Variants in HTR2A observed in about 807,000 individuals in gnomAD.
HTR2A encodes 5-HT2 receptor.
In HTR2A, 14 loss-of-function variants were observed where a neutral mutation model predicts 31.0. The observed-to-expected ratio is 0.45, with a 90% CI of 0.30 to 0.71. The LOEUF (loss-of-function observed/expected upper bound fraction) is 0.71, where lower values mean the gene tolerates loss of function less well. Among genes scored for constraint, HTR2A ranks in the 30% least tolerant of loss-of-function variants. The pLI is 0.09. For missense variants in HTR2A, 442 were observed against 573.3 expected (o/e 0.77, Z 2.34); for synonymous variants, 209 against 225.2 (o/e 0.93, Z 0.64).
intron 3 of HTR2A, chr13:46,854,319 A>G (rs1950714378): frequency 6.6e-6 from 1 of 152,260 alleles, no homozygotes; most frequent in African/African-American, 2.4e-5. Context: ...TGGAGTTGAC[A>G]GGAGGATCAG....
At chr13:46,859,709 C>G (rs4942579) in intron 3 of HTR2A, among the ~76,000 whole-genome samples, 27,430 of 152,054 alleles carry the variant, frequency 0.18, 2,500 homozygotes, top group Middle Eastern at 0.28. Flanking sequence ...CGAGGCCTCC[C>G]CAGAAGCCAC....
At chr13:46,855,492 T>C (rs1950728219) in intron 3 of HTR2A, among the ~76,000 whole-genome samples, 1 of 151,966 alleles carries the variant, frequency 6.6e-6, no homozygotes, top group Non-Finnish European at 1.5e-5. Flanking sequence ...TCAGTGTGGG[T>C]GGATGGGGAA....
Position 46,859,078 on chromosome 13 carries a change from A to G in HTR2A, c.614-23439T>C, listed in dbSNP as rs1432596885. Among the ~76,000 whole-genome samples the G allele has an allele frequency of 2.6e-5, 4 of 152,338 alleles. No individual in the cohort carries two copies. In the East Asian group the frequency reaches 7.7e-4, roughly 29 times the overall value. On this transcript the variant is annotated intron_variant, in intron 3 of 3. Transcript: ENST00000542664. ...GGAAATCAGTTCTGTTTGCAAAACT[A>G]CTTTATCTTTTGAAAGAAACAGATA...
intron 3 of HTR2A, among the ~76,000 whole-genome samples, chr13:46,873,427 TTTATTATTA>T (rs56356002): frequency 0.031 from 4,434 of 144,778 alleles, 223 homozygotes; most frequent in African/African-American, 0.1. Context: ...TAATATAAAA[TTTATTATTA>T]TTATTATTAT....
At chr13:46,875,866 T>G (rs1950905152) in intron 3 of HTR2A, among the ~76,000 whole-genome samples, 1 of 152,216 alleles carries the variant, frequency 6.6e-6, no homozygotes, top group African/African-American at 2.4e-5. Flanking sequence ...GGTGCTAATT[T>G]TGGAACTGTA....
intron 3 of HTR2A, among the ~76,000 whole-genome samples, chr13:46,845,643 C>CAAAAAAAA (rs11394720): frequency 5.3e-5 from 6 of 112,976 alleles, no homozygotes; most frequent in Non-Finnish European, 1.1e-4. Context: ...TTCATCACTC[C>CAAAAAAAA]AAAAAAAAAA....
At position 46,895,986 on chromosome 13, in the gene HTR2A, A is replaced by T; in HGVS notation, c.-80T>A. ...TTCTGCTCACCATTCACCTTGATGT[A>T]CCCACACTCTGTAACACTGAGGCTG... is the stretch of plus-strand genomic sequence containing the variant. On this transcript the variant is annotated 5_prime_UTR_variant, in exon 2 of 4. Transcript: ENST00000542664. The surrounding 1 kb of genome is among the most constrained non-coding windows in gnomAD (Gnocchi z 4.4). The T allele has an allele frequency of 6.6e-6, 10 of 1,520,660 alleles. No individual in the cohort carries two copies. The highest frequency in any genetic ancestry group is 7.9e-6 in the Non-Finnish European group (9 of 1,140,802). 94.2% of individuals were successfully genotyped at this position (1,520,660 alleles called of 1,614,324 possible). A position where few individuals can be genotyped will look rare whatever the true frequency, so the allele number is the denominator to read the frequency against.
At chr13:46,879,000 G>C (rs1397341930) in intron 3 of HTR2A, among the ~76,000 whole-genome samples, 6 of 152,218 alleles carry the variant, frequency 3.9e-5, no homozygotes, top group African/African-American at 1.4e-4. Context: ...AGAACTTGAA[G>C]AAAGGACAAA....
Position 46,834,688 on chromosome 13 carries a change from T to C in HTR2A, c.*149A>G. The C allele has an allele frequency of 1.6e-6, 1 of 615,578 alleles. No homozygotes were observed. Among genetic ancestry groups the C allele is most frequent in the Admixed American group, 3.1e-5 (1 of 32,246 alleles). The allele number at this position is 615,578 out of a possible 1,614,324, so 38.1% of individuals were successfully genotyped here. ...ACATTTTGTAGCATTGAACCCCGCT[T>C]TTCATTGACAGAATAAAATGAGGCA... On this transcript the variant is annotated 3_prime_UTR_variant, in exon 4 of 4. Transcript: ENST00000542664.
intron 3 of HTR2A, among the ~76,000 whole-genome samples, chr13:46,848,822 C>G (rs1179534785): frequency 6.6e-6 from 1 of 152,014 alleles, no homozygotes; most frequent in Non-Finnish European, 1.5e-5. Context: ...GTAGTTCATA[C>G]TTTTTGGGTT....
chr13:46,896,465 A>G (rs6309), intron 1 of HTR2A, among the ~76,000 whole-genome samples: 150,455 of 152,348 alleles, frequency 0.99, 74,314 homozygotes, highest in Middle Eastern at 1. Context: ...GCCATTCTTA[A>G]GCTGAATTGC....
chr13:46,842,680 C>G (rs1950607953), intron 3 of HTR2A, among the ~76,000 whole-genome samples: 1 of 152,188 alleles, frequency 6.6e-6, no homozygotes, highest in Non-Finnish European at 1.5e-5. Flanking sequence ...AATTATTCAA[C>G]TTTCTCAATA....
intron 3 of HTR2A, among the ~76,000 whole-genome samples, chr13:46,861,990 T>C (rs1342302320): frequency 1.3e-5 from 2 of 152,178 alleles, no homozygotes; most frequent in African/African-American, 4.8e-5. Context: ...AAGATAGAAA[T>C]AGATTCTGTC....
At chr13:46,885,882 G>A (rs1332888654) in intron 3 of HTR2A, among the ~76,000 whole-genome samples, 1 of 152,192 alleles carries the variant, frequency 6.6e-6, no homozygotes, top group African/African-American at 2.4e-5. Flanking sequence ...TTATGTTTCT[G>A]TGAATTGCCT....
chr13:46,865,981 C>T (rs1950815646), intron 3 of HTR2A, among the ~76,000 whole-genome samples: 1 of 152,196 alleles, frequency 6.6e-6, no homozygotes, highest in Non-Finnish European at 1.5e-5. Context: ...TTCTCTCCAG[C>T]CATCTCATGA....
chr13:46,841,129 G>A (rs760889126), intron 3 of HTR2A, among the ~76,000 whole-genome samples: 17 of 152,202 alleles, frequency 1.1e-4, no homozygotes, highest in Admixed American at 9.8e-4. Flanking sequence ...TGGCATGATC[G>A]TAAGTTTCCT....
At chr13:46,890,013 T>C (rs1053210874) in intron 3 of HTR2A, among the ~76,000 whole-genome samples, 2 of 152,240 alleles carry the variant, frequency 1.3e-5, no homozygotes, top group African/African-American at 4.8e-5. Flanking sequence ...TTCATCTTGG[T>C]CTATACAGTG....
intron 3 of HTR2A, among the ~76,000 whole-genome samples, chr13:46,853,766 C>T (rs1301130311): frequency 6.6e-6 from 1 of 152,198 alleles, no homozygotes; most frequent in African/African-American, 2.4e-5. Context: ...CTGTCACTCT[C>T]AGCTCTCCTC....
chr13:46,844,775 G>C (rs1950628107), intron 3 of HTR2A, among the ~76,000 whole-genome samples: 1 of 152,204 alleles, frequency 6.6e-6, no homozygotes. Context: ...ATCACTAGCT[G>C]GGTGACCTTA....
Sources: gnomAD v4.1 joint callset for allele counts (sites outside exome capture counted in the v4.1 genomes callset) on GRCh38, gnomAD v4.1.1 for gene constraint, Gnocchi (gnomAD v3.1) non-coding constraint, MANE v1.5 for transcripts, NCBI Gene and HGNC (gene_info 2026-07-23, HGNC 2026-07-21) for gene names.